Variants in CCDC178 observed in about 807,000 individuals in gnomAD.
CCDC178 encodes coiled-coil domain-containing protein 178.
CCDC178 carries 126 observed loss-of-function variants against 117.4 expected under a neutral mutation model. The observed-to-expected ratio is 1.07, with a 90% CI of 0.93 to 1.24. The LOEUF (loss-of-function observed/expected upper bound fraction) is 1.24, where lower values mean the gene tolerates loss of function less well. Among genes scored for constraint, CCDC178 ranks in the 50% most tolerant of loss-of-function variants. The pLI, the probability that CCDC178 is intolerant of heterozygous loss-of-function variation, is 0.00. For synonymous variants in CCDC178, 283 were observed against 313.4 expected, an observed-to-expected ratio of 0.90 and a Z score of 1.02; for missense variants, 1,030 against 986.9, an observed-to-expected ratio of 1.04 and a Z score of -0.59.
Position 32,938,020 on chromosome 18 carries a change from G to A in CCDC178, c.2595C>T (p.Asn865=), listed in dbSNP as rs959855208. ...FQTLTDGTCE[N]DG is the part of the protein sequence containing the mutation. ...TACATTGGTTGTTTGCTTAACCATC[G>A]TTTTCGCATGTGCCATCTGTCAAAG... The change falls in exon 23 of 23, where the codon AAC becomes AAT. Residue 865 remains asparagine, a synonymous_variant. Coordinates refer to ENST00000383096, the MANE Select transcript of CCDC178 (RefSeq NM_001105528.4). 11 of 1,611,990 alleles carry A rather than the reference G, an allele frequency of 6.8e-6. No homozygotes were observed. Among genetic ancestry groups the A allele is most frequent in the East Asian group, 2.2e-5 (1 of 44,858 alleles).
intron 22 of CCDC178, chr18:32,958,257 A>G (rs1291531784): frequency 4.1e-6 from 2 of 488,870 alleles, no homozygotes; most frequent in Non-Finnish European, 7.6e-6. Flanking sequence ...ATTATACTAA[A>G]ATTATTGAGT....
chr18:33,129,141 T>C (rs1054649833), intron 20 of CCDC178, among the ~76,000 whole-genome samples: 1 of 152,118 alleles, frequency 6.6e-6, no homozygotes, highest in Non-Finnish European at 1.5e-5. Context: ...TACCATTAGA[T>C]TTAAGGAATT....
At chr18:33,274,031 T>C (rs568113703) in intron 12 of CCDC178, among the ~76,000 whole-genome samples, 262 of 151,792 alleles carry the variant, frequency 1.7e-3, no homozygotes, top group Non-Finnish European at 2.3e-3. Flanking sequence ...GAAAGAATAC[T>C]TACAACTCAA....
intron 21 of CCDC178, chr18:32,983,291 G>C: frequency 6.6e-7 from 1 of 1,525,808 alleles, no homozygotes; most frequent in Non-Finnish European, 8.8e-7. Context: ...CTGAAAATTT[G>C]AGAGTTCATC....
At chr18:33,164,705 T>C (rs1014915984) in intron 20 of CCDC178, among the ~76,000 whole-genome samples, 23 of 152,150 alleles carry the variant, frequency 1.5e-4, no homozygotes, top group Non-Finnish European at 5.9e-5. Flanking sequence ...TGCTTCTAAA[T>C]TGGGTATATT....
intron 7 of CCDC178, among the ~76,000 whole-genome samples, chr18:33,353,506 A>AT (rs532027131): frequency 4.6e-4 from 70 of 151,826 alleles, no homozygotes; most frequent in Non-Finnish European, 6.6e-4. Flanking sequence ...TAACTAGTTG[A>AT]TTTTTTTCTA....
intron 12 of CCDC178, among the ~76,000 whole-genome samples, chr18:33,279,572 T>G (rs141032096): frequency 0.02 from 3,050 of 152,248 alleles, 48 homozygotes; most frequent in Admixed American, 0.042. Context: ...AAGCTACCAA[T>G]GACTTTCTTC....
At chr18:33,349,171 A>C (rs562153390) in intron 7 of CCDC178, among the ~76,000 whole-genome samples, 196 bp from the exon 8 acceptor site, 2 of 152,010 alleles carry the variant, frequency 1.3e-5, no homozygotes, top group East Asian at 3.9e-4. Context: ...ATTAATAAAA[A>C]CTTAAAATTA....
chr18:33,180,225 T>A (rs539113480), intron 20 of CCDC178, among the ~76,000 whole-genome samples: 4 of 151,334 alleles, frequency 2.6e-5, no homozygotes, highest in African/African-American at 9.7e-5. Flanking sequence ...AAAACTTGAT[T>A]CCATACTGTA....
intron 22 of CCDC178, among the ~76,000 whole-genome samples, chr18:32,958,418 C>T (rs764827894): frequency 1.3e-5 from 2 of 152,128 alleles, no homozygotes; most frequent in Admixed American, 6.6e-5. Context: ...AGATAATCTG[C>T]TTTGTAACCA....
At chr18:33,157,507 AT>A (rs1356748942) in intron 20 of CCDC178, among the ~76,000 whole-genome samples, 3 of 152,214 alleles carry the variant, frequency 2.0e-5, no homozygotes, top group African/African-American at 4.8e-5. Flanking sequence ...TATTAAATGT[AT>A]TTTAAGTCAC....
At chr18:33,368,215 TA>T (rs1239610499) in intron 6 of CCDC178, among the ~76,000 whole-genome samples, 4 of 151,926 alleles carry the variant, frequency 2.6e-5, no homozygotes, top group South Asian at 2.1e-4. Flanking sequence ...GGCAAAACAA[TA>T]AATATTTATT....
rs1163824296 is a variant in CCDC178, at chr18:33,222,983, G to T, written c.1932+123C>A. ...GTGAGTGTGTGCGCTTTTATCCCTA[G>T]TCGATTTAGTGCAATCAATAAGAAA... On this transcript the variant is annotated intron_variant, in intron 18 of 22. Coordinates refer to ENST00000383096, the MANE Select transcript of CCDC178 (RefSeq NM_001105528.4). 9.0e-5 allele frequency: 61 copies of T among 681,286 alleles called. No individual in the cohort carries two copies. In the Admixed American group the frequency reaches 1.9e-3, roughly 21 times the overall value. 42.2% of individuals were successfully genotyped at this position (681,286 alleles called of 1,614,324 possible). A position where few individuals can be genotyped will look rare whatever the true frequency, so the allele number is the denominator to read the frequency against.
chr18:33,095,800 A>G (rs2057533813), intron 20 of CCDC178, among the ~76,000 whole-genome samples: 1 of 151,932 alleles, frequency 6.6e-6, no homozygotes, highest in Admixed American at 6.6e-5. Context: ...TTTTAAGTGT[A>G]TATATACTCT....
At chr18:33,300,688 GA>G (rs2062165752) in intron 11 of CCDC178, among the ~76,000 whole-genome samples, 1 of 152,200 alleles carries the variant, frequency 6.6e-6, no homozygotes, top group Non-Finnish European at 1.5e-5. Flanking sequence ...GTGGAAGTTT[GA>G]ACTTAAGAGT....
chr18:32,961,365 T>C (rs2054699491), intron 22 of CCDC178, among the ~76,000 whole-genome samples: 1 of 152,170 alleles, frequency 6.6e-6, no homozygotes, highest in Non-Finnish European at 1.5e-5. Context: ...TTCCTGATGA[T>C]ATTTCTAGTT....
intron 20 of CCDC178, among the ~76,000 whole-genome samples, chr18:33,179,802 T>C (rs2058714178): frequency 1.3e-5 from 2 of 152,032 alleles, no homozygotes; most frequent in African/African-American, 4.8e-5. Flanking sequence ...ATAATAGCTT[T>C]TTCTGGACCT....
At chr18:33,281,919 G>A (rs898308659) in intron 12 of CCDC178, among the ~76,000 whole-genome samples, 1 of 152,106 alleles carries the variant, frequency 6.6e-6, no homozygotes, top group African/African-American at 2.4e-5. Context: ...CAATGACAAG[G>A]GTTTAAGAAA....
chr18:33,146,584 G>C (rs911064674), intron 20 of CCDC178, among the ~76,000 whole-genome samples: 1 of 152,140 alleles, frequency 6.6e-6, no homozygotes, highest in Non-Finnish European at 1.5e-5. Flanking sequence ...CCAGAAGGTC[G>C]AGGCTGCAGT....
Sources: allele counts gnomAD v4.1 joint callset (sites outside exome capture counted in the v4.1 genomes callset), GRCh38; gene constraint gnomAD v4.1.1; transcripts MANE v1.5; gene names NCBI Gene and HGNC (gene_info 2026-07-23, HGNC 2026-07-21).